The following DSCAM variants were observed in gnomAD, a reference collection of about 807,000 sequenced individuals.
DSCAM encodes DS cell adhesion molecule, also known as cell adhesion molecule DSCAM.
A neutral mutation model predicts 217.7 loss-of-function variants in DSCAM; 47 were observed. The ratio of observed to expected loss-of-function variants is 0.22; its 90% CI spans 0.17 to 0.28. DSCAM has a LOEUF of 0.28. DSCAM is among the 10% of genes least tolerant of loss of function. DSCAM has a pLI of 1.00. For missense variants in DSCAM, 2,080 were observed against 2,618.3 expected (o/e 0.79, Z 4.49); for synonymous variants, 1,056 against 1,015.3 (o/e 1.04, Z -0.76).
intron 4 of DSCAM, among the ~76,000 whole-genome samples, chr21:40,354,819 G>A (rs535749608): frequency 6.9e-5 from 10 of 144,432 alleles, no homozygotes; most frequent in Admixed American, 1.4e-4. Flanking sequence ...ACTGCAGTCC[G>A]GCCTGGGTGA....
chr21:40,286,380 T>C (rs1375849801), intron 10 of DSCAM, among the ~76,000 whole-genome samples: 1 of 152,044 alleles, frequency 6.6e-6, no homozygotes, highest in Non-Finnish European at 1.5e-5. Flanking sequence ...CCTTGGACAC[T>C]GAACCTGGGG....
chr21:40,229,714 T>A (rs1163264001), intron 11 of DSCAM, among the ~76,000 whole-genome samples: 1 of 152,244 alleles, frequency 6.6e-6, no homozygotes, highest in Non-Finnish European at 1.5e-5. Context: ...TGTCGAGAGA[T>A]GTACCAAACA....
chr21:40,424,023 C>T (rs949825253), intron 3 of DSCAM, among the ~76,000 whole-genome samples: 2 of 152,030 alleles, frequency 1.3e-5, no homozygotes, highest in African/African-American at 2.4e-5. Context: ...AATAAATAAG[C>T]TAATATAAAA....
At chr21:40,505,177 T>A (rs2076200372) in intron 3 of DSCAM, among the ~76,000 whole-genome samples, 1 of 152,172 alleles carries the variant, frequency 6.6e-6, no homozygotes, top group Admixed American at 6.5e-5. Context: ...TCAGTGGAAG[T>A]GGATTTAGCC....
At chr21:40,592,804 C>T (rs1448462664) in intron 3 of DSCAM, among the ~76,000 whole-genome samples, 1 of 152,154 alleles carries the variant, frequency 6.6e-6, no homozygotes, top group Non-Finnish European at 1.5e-5. Context: ...GTTTATTGTC[C>T]TTCCCTCTCA....
chr21:40,097,981 AGAAAG>A (rs2089703559), intron 20 of DSCAM, among the ~76,000 whole-genome samples: 1 of 123,772 alleles, frequency 8.1e-6, no homozygotes, highest in Non-Finnish European at 1.7e-5. Context: ...AAAGAAAGAA[AGAAAG>A]AAAGAAAGAA....
chr21:40,054,190 G>A (rs1457069190), intron 29 of DSCAM, among the ~76,000 whole-genome samples: 1 of 152,108 alleles, frequency 6.6e-6, no homozygotes, highest in Admixed American at 6.5e-5. Flanking sequence ...ATAATCAAAA[G>A]CAAAACATAG....
At chr21:40,752,390 C>T (rs768349377) in intron 1 of DSCAM, among the ~76,000 whole-genome samples, 1 of 152,158 alleles carries the variant, frequency 6.6e-6, no homozygotes, top group Non-Finnish European at 1.5e-5. Context: ...CAGCCAAATG[C>T]TGCAGCAAGA....
At position 40,347,722 on chromosome 21, in the gene DSCAM, A is replaced by G; in HGVS notation, c.1158T>C (p.Phe386=). Residue 386 remains phenylalanine (F), a synonymous_variant, in exon 6 of 33, where the codon TTT becomes TTC. Transcript: ENST00000400454. ...VKSDGGAYQC[F]VRKDKLSAQD... ...GAGCGGACAGCTTGTCCTTGCGCAC[A>G]AAGCACTGGTATGCGCCCCCGTCAC... 2 of 1,614,176 alleles carry G rather than the reference A, an allele frequency of 1.2e-6. No individual in the cohort carries two copies. The highest frequency in any genetic ancestry group is 1.7e-6 in the Non-Finnish European group (2 of 1,180,018).
At chr21:40,499,902 T>C (rs967749969) in intron 3 of DSCAM, among the ~76,000 whole-genome samples, 1 of 152,174 alleles carries the variant, frequency 6.6e-6, no homozygotes, top group Non-Finnish European at 1.5e-5. Flanking sequence ...TGCCTCAGCC[T>C]CCTGAGTAGC....
At chr21:40,540,884 G>C (rs1037512599) in intron 3 of DSCAM, among the ~76,000 whole-genome samples, 1 of 151,940 alleles carries the variant, frequency 6.6e-6, no homozygotes, top group African/African-American at 2.4e-5. Context: ...ACTTTTAAAG[G>C]TTTTTTGTTT....
chr21:40,559,824 G>A (rs371247354), intron 3 of DSCAM, among the ~76,000 whole-genome samples: 2,587 of 123,236 alleles, frequency 0.021, 48 homozygotes, highest in Middle Eastern at 0.058. Context: ...ATGGAGTCTC[G>A]CTCTGTCTCC....
chr21:40,201,430 A>G (rs920566946), intron 11 of DSCAM, among the ~76,000 whole-genome samples: 1 of 151,852 alleles, frequency 6.6e-6, no homozygotes, highest in African/African-American at 2.4e-5. Context: ...ATTTTGCCCA[A>G]TAAGAAAGCT....
chr21:40,265,725 A>G (rs537106980), intron 11 of DSCAM, among the ~76,000 whole-genome samples: 15 of 152,308 alleles, frequency 9.8e-5, no homozygotes, highest in Middle Eastern at 3.4e-3. Flanking sequence ...CAAAGCATAT[A>G]AAAACATAAT....
At chr21:40,368,660 C>T (rs1287467789) in intron 4 of DSCAM, among the ~76,000 whole-genome samples, 1 of 152,200 alleles carries the variant, frequency 6.6e-6, no homozygotes, top group African/African-American at 2.4e-5. Context: ...TGATAGCAAG[C>T]AACCTTTGGT....
chr21:40,670,942 T>G (rs1452001753), intron 3 of DSCAM, among the ~76,000 whole-genome samples: 1 of 152,196 alleles, frequency 6.6e-6, no homozygotes, highest in Admixed American at 6.5e-5. Flanking sequence ...ATATAACTTG[T>G]ACAAGAGAAA....
chr21:40,762,549 A>G (rs2091346151), intron 1 of DSCAM, among the ~76,000 whole-genome samples: 1 of 152,234 alleles, frequency 6.6e-6, no homozygotes, highest in South Asian at 2.1e-4. Context: ...AGGAGCTGAT[A>G]CTGTTCCTTC....
intron 8 of DSCAM, among the ~76,000 whole-genome samples, chr21:40,336,742 CTTGTT>C (rs1403088122): frequency 1.3e-5 from 2 of 152,178 alleles, no homozygotes; most frequent in Admixed American, 6.5e-5. Context: ...GGTTTATTCA[CTTGTT>C]TTATTTGTTT....
At position 40,408,583 on chromosome 21, in the gene DSCAM, G is replaced by A. The variant is rs146938294; in HGVS notation, c.509-39338C>T. The stretch of plus-strand genomic sequence containing the variant: ...ACACAGCAACAGACATTCATCAGTC[G>A]TAAGTTGGCATTGGTTCTTGTAGGT... On this transcript the variant is annotated intron_variant, in intron 3 of 32. Transcript: ENST00000400454. Among the ~76,000 whole-genome samples, 569 of 152,186 alleles carry A rather than the reference G, an allele frequency of 3.7e-3. 1 individual carries two copies. The highest frequency in any genetic ancestry group is 6.6e-3 in the Non-Finnish European group (452 of 67,992).
Sources: gnomAD v4.1 joint callset for allele counts (sites outside exome capture counted in the v4.1 genomes callset) on GRCh38, gnomAD v4.1.1 for gene constraint, MANE v1.5 for transcripts, NCBI Gene and HGNC (gene_info 2026-07-23, HGNC 2026-07-21) for gene names.